Variants in SSH3 observed in about 807,000 individuals in gnomAD.
The protein encoded by SSH3 is slingshot protein phosphatase 3, also known as protein phosphatase Slingshot homolog 3.
Under a neutral mutation model 75.0 loss-of-function variants are expected in SSH3, and 67 were observed. The observed-to-expected ratio is 0.89, with a 90% confidence interval of 0.73 to 1.10. The LOEUF (loss-of-function observed/expected upper bound fraction) is 1.10. SSH3 is among the 50% of genes least tolerant of loss of function. The pLI, the probability that SSH3 is intolerant of heterozygous loss-of-function variation, is 0.00. For missense variants in SSH3, 824 were observed against 872.7 expected (o/e 0.94, Z 0.70); for synonymous variants, 318 against 349.2 (o/e 0.91, Z 1.00).
At chr11:67,303,917 C>A in intron 1 of SSH3, 1 of 796,722 alleles carries the variant, frequency 1.3e-6, no homozygotes, top group Non-Finnish European at 1.9e-6. Context: ...GAGCGCGCCC[C>A]CCGCCACACT....
chr11:67,303,893 G>C, intron 1 of SSH3: 1 of 757,076 alleles, frequency 1.3e-6, no homozygotes, highest in Non-Finnish European at 2.0e-6. Flanking sequence ...CCCGGGCTGC[G>C]GAGGCCCCGA....
chr11:67,304,580 C>T (rs1233646311), intron 2 of SSH3, among the ~76,000 whole-genome samples, 193 bp from the exon 3 acceptor site: 1 of 152,230 alleles, frequency 6.6e-6, no homozygotes, highest in Non-Finnish European at 1.5e-5. Flanking sequence ...GACTGGTTCT[C>T]AGCAATATTG....
intron 10 of SSH3, 131 bp from the exon 11 acceptor site, chr11:67,309,266 C>T: frequency 8.6e-7 from 1 of 1,162,148 alleles, no homozygotes; most frequent in South Asian, 1.4e-5. Context: ...ACTTCTCCTC[C>T]CACTGTCACT....
In SSH3 at chr11:67,312,118, A is replaced by G; in HGVS notation, c.*231A>G. On this transcript the variant is annotated 3_prime_UTR_variant, in exon 14 of 14. Transcript: ENST00000308127. ...CCATGTCTGCCTGTCCAAGGGCTCA[A>G]GACTTTCTAACTGGGATGTGGTAGA... 2 of 611,212 alleles carry G rather than the reference A, an allele frequency of 3.3e-6. No individual in the cohort carries two copies. The highest frequency in any genetic ancestry group is 5.6e-6 in the Non-Finnish European group (2 of 358,924). The allele number at this position is 611,212 out of a possible 1,614,324, so 37.9% of individuals were successfully genotyped here.
At chr11:67,311,197 C>A (rs1030769016) in intron 13 of SSH3, among the ~76,000 whole-genome samples, 1 of 152,154 alleles carries the variant, frequency 6.6e-6, no homozygotes, top group African/African-American at 2.4e-5. Context: ...CAGCACCGGA[C>A]GCACGCATCC....
In SSH3 at chr11:67,312,129, C is replaced by A; in HGVS notation, c.*242C>A. ...TGTCCAAGGGCTCAAGACTTTCTAACTGGGATGTGGTAGAGGGACTGAAGG... is the reference window on the plus strand; with the variant it reads ...TGTCCAAGGGCTCAAGACTTTCTAAATGGGATGTGGTAGAGGGACTGAAGG... On this transcript the variant is annotated 3_prime_UTR_variant, in exon 14 of 14. Coordinates refer to ENST00000308127, the MANE Select transcript of SSH3 (RefSeq NM_017857.4). 1.7e-6 allele frequency: 1 copy of A among 591,736 alleles called. No individual in the cohort carries two copies. Among genetic ancestry groups the A allele is most frequent in the Non-Finnish European group, 2.9e-6 (1 of 343,340 alleles). 36.7% of individuals were successfully genotyped at this position (591,736 alleles called of 1,614,324 possible).
Position 67,308,203 on chromosome 11 carries a change from G to C in SSH3, c.915G>C (p.Gly305=). Residue 305 remains glycine (G), a synonymous_variant, in exon 9 of 14, where the codon GGG becomes GGC. Coordinates refer to ENST00000308127, the MANE Select transcript of SSH3 (RefSeq NM_017857.4). This position sits in a 1 kb window ranked among gnomAD's most constrained non-coding sequence, Gnocchi z 4.9. ...GCCAGGCTCTGGAGCTGCGCCTGGG[G>C]CTCCCCCTCCAGCAGTACCGTGACT... The part of the protein sequence containing the change: ...EIRQALELRL[G]LPLQQYRDFI... The C allele has an allele frequency of 6.2e-7, 1 of 1,613,924 alleles. No homozygotes were observed. Among genetic ancestry groups the C allele is most frequent in the African/African-American group, 1.3e-5 (1 of 75,056 alleles).
At position 67,306,840 on chromosome 11, in the gene SSH3, A is replaced by G. The variant is rs1351187447; in HGVS notation, c.342A>G (p.Ala114=). 1.2e-6 allele frequency: 2 copies of G among 1,610,046 alleles called. No individual in the cohort carries two copies. Among genetic ancestry groups the G allele is most frequent in the African/African-American group, 1.3e-5 (1 of 74,846 alleles). Reference sequence around the variant, plus strand: ...CTGGGTTCCTCATCTCCCCCCAGGCAGCCCAGCTGGAGGCACCCCGGCCTC... The same window carrying G: ...CTGGGTTCCTCATCTCCCCCCAGGCGGCCCAGCTGGAGGCACCCCGGCCTC... ...LLRPQDDIRL[A]AQLEAPRPPR... The change falls in exon 4 of 14, where the codon GCA becomes GCG. Residue 114 remains alanine (A), a splice_region_variant and synonymous_variant. Coordinates refer to ENST00000308127, the MANE Select transcript of SSH3 (RefSeq NM_017857.4).
chr11:67,305,058 G>A (rs1347183547), intron 3 of SSH3, 51 bp downstream of exon 3: 4 of 1,534,800 alleles, frequency 2.6e-6, no homozygotes, highest in Non-Finnish European at 3.5e-6. Context: ...ACACGCCTGA[G>A]GGCAGAATGG....
intron 13 of SSH3, 22 bp downstream of exon 13, chr11:67,310,361 C>G: frequency 4.4e-6 from 7 of 1,583,414 alleles, no homozygotes; most frequent in Non-Finnish European, 6.0e-6. Flanking sequence ...GCTGGGGGAG[C>G]TCAGCTTGCA....
Position 67,303,667 on chromosome 11 carries a change from C to T in SSH3, c.42C>T (p.Gly14=), listed in dbSNP as rs1441368576. Residue 14 remains glycine (G), a synonymous_variant, in exon 1 of 14, where the codon GGC becomes GGT. Coordinates refer to ENST00000308127, the MANE Select transcript of SSH3 (RefSeq NM_017857.4). ...VTVSRSPPGS[G]ASTPVGPWDQ... is the part of the protein sequence containing the mutation. ...TGAGCCGTTCGCCCCCGGGCAGCGGCGCCTCCACGCCCGTGGGGCCCTGGG... is the reference window on the plus strand; with the variant it reads ...TGAGCCGTTCGCCCCCGGGCAGCGGTGCCTCCACGCCCGTGGGGCCCTGGG... 2 of 1,511,394 alleles carry T rather than the reference C, an allele frequency of 1.3e-6. No individual in the cohort carries two copies. The highest frequency in any genetic ancestry group is 2.7e-5 in the East Asian group (1 of 37,512). 93.6% of individuals were successfully genotyped at this position (1,511,394 alleles called of 1,614,324 possible).
In SSH3 at chr11:67,306,947, A is replaced by G; in HGVS notation, c.449A>G (p.Asp150Gly). The change falls in exon 4 of 14, where the codon GAT becomes GGT. Residue 150 changes from aspartate (D) to glycine (G), a missense_variant. Coordinates refer to ENST00000308127, the MANE Select transcript of SSH3 (RefSeq NM_017857.4). ...GATGAGACGGTCCTCCTGGGCGTGG[A>G]TTTCCCTGACAGCAGGTTCGAGCAG... ...SQDETVLLGV[D>G]FPDSSSPSCT... 6.2e-7 allele frequency: 1 copy of G among 1,612,756 alleles called. No homozygotes were observed. Among genetic ancestry groups the G allele is most frequent in the Non-Finnish European group, 8.5e-7 (1 of 1,178,930 alleles).
In SSH3 at chr11:67,311,673, T is replaced by C; in HGVS notation, c.1766T>C (p.Val589Ala). The change falls in exon 14 of 14, where the codon GTG becomes GCG. Residue 589 changes from valine to alanine, a missense_variant. Transcript: ENST00000308127. ...QLARTKGGQQ[V>A]DRGPQPALKS... ...GCAAGGACCAAGGGAGGCCAGCAGGTGGACAGGGGGCCTCAGCCTGCCCTG... is the reference window on the plus strand; with the variant it reads ...GCAAGGACCAAGGGAGGCCAGCAGGCGGACAGGGGGCCTCAGCCTGCCCTG... The C allele has an allele frequency of 6.2e-7, 1 of 1,613,998 alleles. No homozygotes were observed. The highest frequency in any genetic ancestry group is 8.5e-7 in the Non-Finnish European group (1 of 1,180,008).
At chr11:67,306,999 G>A in intron 4 of SSH3, 37 bp downstream of exon 4, 1 of 1,613,302 alleles carries the variant, frequency 6.2e-7, no homozygotes, top group Non-Finnish European at 8.5e-7. Flanking sequence ...GCAAAGAGGT[G>A]AGGGACAGGG....
intron 13 of SSH3, among the ~76,000 whole-genome samples, chr11:67,311,292 G>T (rs940843699): frequency 1.3e-5 from 2 of 152,208 alleles, no homozygotes; most frequent in African/African-American, 4.8e-5. Flanking sequence ...TAGGAGGGGA[G>T]GAGGGCAGGG....
Position 67,307,939 on chromosome 11 carries a change from G to C in SSH3, c.885G>C (p.Glu295Asp), listed in dbSNP as rs762782325. 1 of 1,614,190 alleles carries C rather than the reference G, an allele frequency of 6.2e-7. No homozygotes were observed. The highest frequency in any genetic ancestry group is 8.5e-7 in the Non-Finnish European group (1 of 1,180,018). Residue 295 changes from glutamate (E) to aspartate (D), a missense_variant and splice_region_variant, in exon 8 of 14, where the codon GAG becomes GAC. Glu to Asp is a conservative substitution (Grantham distance 45, BLOSUM62 2). Transcript: ENST00000308127. The surrounding 1 kb of genome is among the most constrained non-coding windows in gnomAD (Gnocchi z 4.2). ...VSDLESVTSK[E>D]IRQALELRLG... ...ACCTGGAGAGTGTCACTTCCAAAGA[G>C]GTGGGCAGGGGGCCCGGGGACTGAG...
At chr11:67,304,021 C>T (rs1400784577) in intron 1 of SSH3, 97 bp from the exon 2 acceptor site, 2 of 1,429,824 alleles carry the variant, frequency 1.4e-6, no homozygotes, top group East Asian at 2.6e-5. Flanking sequence ...TGGCATCTGG[C>T]GCCTTTTCTG....
intron 13 of SSH3, among the ~76,000 whole-genome samples, 159 bp downstream of exon 13, chr11:67,310,498 G>A (rs1013259685): frequency 1.3e-5 from 2 of 152,216 alleles, no homozygotes; most frequent in Non-Finnish European, 1.5e-5. Flanking sequence ...GACCCAGGGG[G>A]CCTGGTCCCA....
chr11:67,304,788 G>A lies in SSH3; in HGVS notation c.120G>A (p.Val40=). The A allele has an allele frequency of 6.2e-7, 1 of 1,606,718 alleles. No individual in the cohort carries two copies. Among genetic ancestry groups the A allele is most frequent in the East Asian group, 2.2e-5 (1 of 44,612 alleles). ...SRLQRRQSFA[V]LRGAVLGLQD... is the part of the protein sequence containing the mutation. ...GCCCTGCCAGGCAGAGCTTTGCGGT[G>A]CTCCGTGGGGCTGTCCTGGGACTGC... Residue 40 remains valine, a synonymous_variant, in exon 3 of 14, where the codon GTG becomes GTA. Coordinates refer to ENST00000308127, the MANE Select transcript of SSH3 (RefSeq NM_017857.4).
Sources: allele counts gnomAD v4.1 joint callset (sites outside exome capture counted in the v4.1 genomes callset), GRCh38; gene constraint gnomAD v4.1.1; non-coding constraint Gnocchi (gnomAD v3.1); transcripts MANE v1.5; gene names NCBI Gene and HGNC (gene_info 2026-07-23, HGNC 2026-07-21).